REV1: variants seen among roughly 807,000 people sequenced by gnomAD.
REV1 encodes REV1 DNA directed polymerase, also known as translesion synthesis protein REV1.
Under a neutral mutation model 137.4 loss-of-function variants are expected in REV1, and 42 were observed. That is an observed-to-expected ratio of 0.31 (90% confidence interval 0.24 to 0.40). The LOEUF is 0.40. Among genes scored for constraint, REV1 ranks in the 10% least tolerant of loss-of-function variants. The probability of loss-of-function intolerance (pLI) is 1.00; values close to 1 mark genes in which losing one functional copy is unlikely to be tolerated. For synonymous variants in REV1, 524 were observed against 519.2 expected, an observed-to-expected ratio of 1.01 and a Z score of -0.12; for missense variants, 1,282 against 1,490.1, an observed-to-expected ratio of 0.86 and a Z score of 2.30.
At chr2:99,451,886 G>A (rs1007834683) in intron 3 of REV1, among the ~76,000 whole-genome samples, 3 of 152,010 alleles carry the variant, frequency 2.0e-5, no homozygotes, top group Non-Finnish European at 4.4e-5. Context: ...GGACCACTTT[G>A]TCAGGTCCAA....
chr2:99,432,407 C>G (rs1056649235), intron 8 of REV1, among the ~76,000 whole-genome samples: 2 of 151,632 alleles, frequency 1.3e-5, no homozygotes, highest in African/African-American at 4.8e-5. Flanking sequence ...ATATTTGGTG[C>G]CATGTCTGAT....
intron 5 of REV1, 103 bp from the exon 6 acceptor site, chr2:99,439,413 C>A (rs1387825448): frequency 4.1e-6 from 3 of 728,540 alleles, no homozygotes; most frequent in Non-Finnish European, 6.4e-6. Flanking sequence ...TGGTATTTCC[C>A]CCTTTAAAAA....
At position 99,429,927 on chromosome 2, in the gene REV1, AATG is replaced by A; in HGVS notation, c.1457_1459del (p.Ser486del). ...TTGCGCAGAATCTGGATTCTCCCAC[AATG>A]ATGAATCTGGTATATCTGCTTTAAA... On this transcript the variant is annotated inframe_deletion, in exon 9 of 23. Transcript: ENST00000258428. The A allele has an allele frequency of 6.3e-7, 1 of 1,599,416 alleles. No homozygotes were observed. Among genetic ancestry groups the A allele is most frequent in the Non-Finnish European group, 8.5e-7 (1 of 1,173,132 alleles).
intron 14 of REV1, among the ~76,000 whole-genome samples, chr2:99,409,858 C>CG (rs929541310): frequency 1.6e-5 from 2 of 128,952 alleles, no homozygotes; most frequent in Admixed American, 7.5e-5. Flanking sequence ...AAACAACCCC[C>CG]CCCCCCCCCA....
At chr2:99,411,436 C>T (rs1677131779) in intron 13 of REV1, among the ~76,000 whole-genome samples, 1 of 145,050 alleles carries the variant, frequency 6.9e-6, no homozygotes, top group African/African-American at 2.5e-5. Context: ...GAGACAGTCT[C>T]ATTCTTGTCC....
At chr2:99,459,998 C>T (rs911005608) in intron 3 of REV1, among the ~76,000 whole-genome samples, 10 of 152,218 alleles carry the variant, frequency 6.6e-5, no homozygotes, top group African/African-American at 2.4e-4. Context: ...AGGGACACCA[C>T]AGCTTCTTTT....
Position 99,406,394 on chromosome 2 carries a change from ACCCACTAGG to A in REV1, c.2536_2544del (p.Pro846_Gly848del), listed in dbSNP as rs754621490. 6.2e-7 allele frequency: 1 copy of A among 1,613,906 alleles called. No homozygotes were observed. Among genetic ancestry groups the A allele is most frequent in the Non-Finnish European group, 8.5e-7 (1 of 1,179,840 alleles). On this transcript the variant is annotated inframe_deletion, in exon 16 of 23. Coordinates refer to ENST00000258428, the MANE Select transcript of REV1 (RefSeq NM_016316.4). ...TGGAAGACATCACGGACAGAGTATG[ACCCACTAGG>A]AAAGTGGCTTGACTGAACTGATGGG...
chr2:99,420,731 G>A (rs1050525998), intron 11 of REV1, among the ~76,000 whole-genome samples: 3 of 152,214 alleles, frequency 2.0e-5, no homozygotes, highest in Non-Finnish European at 4.4e-5. Context: ...AAGAAGAAGG[G>A]TTTTTGGATG....
intron 7 of REV1, among the ~76,000 whole-genome samples, chr2:99,434,859 C>G (rs541735090): frequency 0.013 from 1,996 of 152,040 alleles, 43 homozygotes; most frequent in African/African-American, 0.046. Context: ...TTTTACGCAA[C>G]AGAAACTAAA....
chr2:99,409,862 C>T (rs1012660246), intron 14 of REV1, among the ~76,000 whole-genome samples: 10 of 135,542 alleles, frequency 7.4e-5, no homozygotes, highest in Non-Finnish European at 9.9e-5. Flanking sequence ...AACCCCCCCC[C>T]CCCCCAAAAA....
intron 1 of REV1, among the ~76,000 whole-genome samples, chr2:99,469,362 G>T (rs1685153421): frequency 6.6e-6 from 1 of 152,196 alleles, no homozygotes; most frequent in Admixed American, 6.5e-5. Context: ...ATGTGACTCT[G>T]TAAGACAGTC....
At position 99,462,209 on chromosome 2, in the gene REV1, G is replaced by A. The variant is rs536207918; in HGVS notation, c.181+287C>T. ...TTTACCAATGAAATGGACCTACAGT[G>A]AAGCTCACAGTTTACAAGTCCTACT... On this transcript the variant is annotated intron_variant, in intron 3 of 22. Coordinates refer to ENST00000258428, the MANE Select transcript of REV1 (RefSeq NM_016316.4). Among the ~76,000 whole-genome samples, 66 of 152,260 alleles carry A rather than the reference G, an allele frequency of 4.3e-4. 1 individual carries two copies. In the South Asian group the frequency reaches 0.013, roughly 31 times the overall value.
At chr2:99,411,532 G>A (rs1347061681) in intron 13 of REV1, among the ~76,000 whole-genome samples, 5 of 150,038 alleles carry the variant, frequency 3.3e-5, no homozygotes, top group Non-Finnish European at 5.9e-5. Context: ...TCAGCCTCCC[G>A]AGTAGCTAGG....
rs554772924 is a variant in REV1, at chr2:99,409,702, G to C, written c.2345+993C>G. 1.1e-3 allele frequency among the ~76,000 whole-genome samples: 166 copies of C among 151,926 alleles called. 1 individual carries two copies. Among genetic ancestry groups the C allele is most frequent in the African/African-American group, 3.5e-3 (145 of 41,420 alleles). ...CTACTGAAAATACAAAAATTCGCTGGGCATGGTGGCATGCCCCATAATCCC... is the reference window on the plus strand; with the variant it reads ...CTACTGAAAATACAAAAATTCGCTGCGCATGGTGGCATGCCCCATAATCCC... On this transcript the variant is annotated intron_variant, in intron 14 of 22. Transcript: ENST00000258428.
chr2:99,464,553 T>C (rs527606568), intron 2 of REV1, among the ~76,000 whole-genome samples: 2 of 152,330 alleles, frequency 1.3e-5, no homozygotes, highest in East Asian at 1.9e-4. Flanking sequence ...GGTTGAGATA[T>C]ATAAAGCTGA....
chr2:99,434,109 C>G (rs1003001039), intron 8 of REV1, among the ~76,000 whole-genome samples: 1 of 152,132 alleles, frequency 6.6e-6, no homozygotes, highest in Non-Finnish European at 1.5e-5. Context: ...TAAATTTATA[C>G]AAAGCAAATC....
intron 4 of REV1, among the ~76,000 whole-genome samples, chr2:99,442,742 G>T (rs980501639): frequency 1.3e-5 from 2 of 152,036 alleles, no homozygotes; most frequent in African/African-American, 4.8e-5. Flanking sequence ...GAATCATCAA[G>T]ACTTCATCAA....
At chr2:99,402,592 C>A (rs1363359339) in intron 21 of REV1, 52 bp downstream of exon 21, 5 of 1,536,062 alleles carry the variant, frequency 3.3e-6, no homozygotes, top group Non-Finnish European at 4.5e-6. Context: ...GTTCTCAAAT[C>A]ATGAGACGAC....
chr2:99,429,579 T>TA (rs1279388992), intron 9 of REV1, among the ~76,000 whole-genome samples: 1 of 151,878 alleles, frequency 6.6e-6, no homozygotes, highest in Admixed American at 6.6e-5. Context: ...CAAAAGACAG[T>TA]AAAAACGATG....
Sources: allele counts gnomAD v4.1 joint callset (sites outside exome capture counted in the v4.1 genomes callset), GRCh38; gene constraint gnomAD v4.1.1; transcripts MANE v1.5; gene names NCBI Gene and HGNC (gene_info 2026-07-23, HGNC 2026-07-21).